Variants in MYOM2 observed in about 807,000 individuals in gnomAD.
MYOM2 encodes the protein myomesin-2.
A neutral mutation model predicts 187.6 loss-of-function variants in MYOM2; 254 were observed. That is an observed-to-expected ratio of 1.35 (90% CI 1.22 to 1.50). The LOEUF (loss-of-function observed/expected upper bound fraction) is 1.50, where lower values mean the gene tolerates loss of function less well. MYOM2 is among the 40% of genes most tolerant of loss of function. The pLI is 0.00. For synonymous variants in MYOM2, 981 were observed against 753.8 expected, an observed-to-expected ratio of 1.30 and a Z score of -4.94; for missense variants, 2,796 against 1,924.0, an observed-to-expected ratio of 1.45 and a Z score of -8.48.
chr8:2,076,209 G>C lies in MYOM2; in HGVS notation c.1189G>C (p.Asp397His), dbSNP rs1478792326. The change falls in exon 11 of 37, where the codon GAC becomes CAC. Residue 397 changes from aspartate (D) to histidine (H), a missense_variant. By Grantham distance (81) the Asp-to-His change is moderately conservative. Coordinates refer to ENST00000262113, the MANE Select transcript of MYOM2 (RefSeq NM_003970.4). The part of the protein sequence containing the change: ...MDLQCHDANR[D>H]YVIVTWKPPN... ...CTTGCAGTGCCACGACGCCAACCGG[G>C]ACTACGTCATCGTGACCTGGAAGCC... 2.5e-6 allele frequency: 4 copies of C among 1,613,506 alleles called. No individual in the cohort carries two copies. The highest frequency in any genetic ancestry group is 3.4e-6 in the Non-Finnish European group (4 of 1,179,932).
At chr8:2,057,845 G>C in intron 5 of MYOM2, 65 bp downstream of exon 5, 1 of 1,558,672 alleles carries the variant, frequency 6.4e-7, no homozygotes, top group South Asian at 1.2e-5. Context: ...AAAGACCCCA[G>C]TTAAGGAGAC....
At chr8:2,101,459 G>A (rs113921944) in intron 20 of MYOM2, among the ~76,000 whole-genome samples, 2,276 of 152,322 alleles carry the variant, frequency 0.015, 52 homozygotes, top group African/African-American at 0.052. Flanking sequence ...TGATCTCTGC[G>A]CAAGCCAGCA....
At chr8:2,131,238 T>C (rs889021089) in intron 32 of MYOM2, among the ~76,000 whole-genome samples, 3 of 152,210 alleles carry the variant, frequency 2.0e-5, no homozygotes, top group African/African-American at 7.2e-5. Context: ...TCAACACATG[T>C]TATTTTTATC....
At chr8:2,072,592 G>T (rs2129334591) in intron 9 of MYOM2, 83 bp downstream of exon 9, 1 of 1,475,592 alleles carries the variant, frequency 6.8e-7, no homozygotes, top group East Asian at 2.4e-5. Flanking sequence ...TGTCAATGTG[G>T]CTTTTGTCTC....
chr8:2,115,190 C>T (rs1303382699), intron 25 of MYOM2, among the ~76,000 whole-genome samples: 5 of 146,960 alleles, frequency 3.4e-5, no homozygotes, highest in South Asian at 2.1e-4. Flanking sequence ...AACAAACAAA[C>T]AAAACATAAA....
At chr8:2,069,033 C>G (rs1819122785) in intron 6 of MYOM2, among the ~76,000 whole-genome samples, 1 of 152,182 alleles carries the variant, frequency 6.6e-6, no homozygotes, top group Admixed American at 6.5e-5. Flanking sequence ...GTGCCAGTAC[C>G]TTTTTATTCT....
chr8:2,081,640 A>G (rs891182417), intron 13 of MYOM2: 1 of 157,486 alleles, frequency 6.3e-6, no homozygotes, highest in Non-Finnish European at 1.4e-5. Flanking sequence ...TGAGAAGAGC[A>G]CTGGGGAAGG....
chr8:2,054,734 C>T (rs13254418), intron 3 of MYOM2, among the ~76,000 whole-genome samples: 32,236 of 152,186 alleles, frequency 0.21, 3,999 homozygotes, highest in African/African-American at 0.32. Flanking sequence ...CACAGTGCTG[C>T]GTGGCGCAGA....
At chr8:2,085,588 CGTGGCCCCACTGTCGTGATCTCT>C (rs2116704162) in intron 14 of MYOM2, among the ~76,000 whole-genome samples, 198 bp downstream of exon 14, 1 of 9,952 alleles carries the variant, frequency 1.0e-4, no homozygotes, top group Non-Finnish European at 1.5e-4. Flanking sequence ...GTGATCTCTG[CGTGGCCCCACTGTCGTGATCTCT>C]GCGTGGCCCC....
intron 32 of MYOM2, among the ~76,000 whole-genome samples, chr8:2,129,925 G>C (rs541987703): frequency 1.3e-5 from 2 of 152,166 alleles, no homozygotes; most frequent in Non-Finnish European, 1.5e-5. Context: ...AGATATCACC[G>C]CAGATAAAAG....
rs1819794033 is a variant in MYOM2, at chr8:2,085,468, G to GTCGTGATCTCCGCGTGGCCCCTCA, written c.1644+78_1644+79insTCGTGATCTCCGCGTGGCCCCTCA. 28 of 1,416,506 alleles carry GTCGTGATCTCCGCGTGGCCCCTCA rather than the reference G, an allele frequency of 2.0e-5. 4 individuals are homozygous for GTCGTGATCTCCGCGTGGCCCCTCA. In the Admixed American group the frequency reaches 4.0e-4, roughly 20 times the overall value. The allele number at this position is 1,416,506 out of a possible 1,614,324, so 87.7% of individuals were successfully genotyped here. ...TGTCATGATCTCTGCGTGGCCCACC[G>GTCGTGATCTCCGCGTGGCCCCTCA]CTGTCGTGATCTCCGCGTGGCCCCT... On this transcript the variant is annotated intron_variant, in intron 14 of 36. Coordinates refer to ENST00000262113, the MANE Select transcript of MYOM2 (RefSeq NM_003970.4).
intron 31 of MYOM2, among the ~76,000 whole-genome samples, chr8:2,127,329 T>C (rs114979686): frequency 0.032 from 4,849 of 151,738 alleles, 76 homozygotes; most frequent in Middle Eastern, 0.045. Flanking sequence ...AACCCTCCTG[T>C]CTGCAGCCGG....
rs539613788 is a variant in MYOM2, at chr8:2,115,326, G to A, written c.3181-634G>A. Among the ~76,000 whole-genome samples the A allele has an allele frequency of 2.2e-3, 329 of 152,342 alleles. 2 individuals are homozygous for A. The highest frequency in any genetic ancestry group is 7.6e-3 in the African/African-American group (316 of 41,574). On this transcript the variant is annotated intron_variant, in intron 25 of 36. Transcript: ENST00000262113. ...ATTTGCTCAATTCATCTGTGTGTTA[G>A]AGAAACACTTGTTCTTTGACTTGTA... is the stretch of plus-strand genomic sequence containing the variant.
intron 13 of MYOM2, among the ~76,000 whole-genome samples, chr8:2,082,897 T>C (rs542434495): frequency 1.3e-5 from 2 of 152,058 alleles, no homozygotes; most frequent in African/African-American, 4.8e-5. Context: ...CCTGGGGAGG[T>C]TGTAGTTTCC....
rs182935111 is a variant in MYOM2 at position 2,123,647 on chromosome 8, A to C, written c.3655+5A>C. 3.4e-4 allele frequency: 544 copies of C among 1,612,698 alleles called. No homozygotes were observed. In the African/African-American group the frequency reaches 6.7e-3, roughly 20 times the overall value. On this transcript the variant is annotated splice_donor_5th_base_variant and intron_variant, in intron 30 of 36. Coordinates refer to ENST00000262113, the MANE Select transcript of MYOM2 (RefSeq NM_003970.4). ...TCCTTGAAATAGCTGGCAAAGGTAA[A>C]AGAAAACCTCCTTTGTTCTGTGAAC...
At position 2,096,420 on chromosome 8, in the gene MYOM2, C is replaced by A. The variant is rs766631569; in HGVS notation, c.2299C>A (p.Pro767Thr). The A allele has an allele frequency of 1.2e-6, 2 of 1,614,150 alleles. No homozygotes were observed. Among genetic ancestry groups the A allele is most frequent in the Non-Finnish European group, 1.7e-6 (2 of 1,180,010 alleles). ...WHEVNSSPSK[P>T]TILTVDGLTE... ...CGAGGTCAATTCCTCACCCAGCAAA[C>A]CGACAATCCTAACGGTCAGTTGGTT... Residue 767 changes from proline (P) to threonine (T), a missense_variant, in exon 18 of 37, where the codon CCG becomes ACG. Physicochemically the swap from Pro to Thr is conservative, Grantham distance 38 (BLOSUM62 -1). Transcript: ENST00000262113.
chr8:2,141,948 C>T (rs542662382), intron 34 of MYOM2, among the ~76,000 whole-genome samples: 7 of 152,214 alleles, frequency 4.6e-5, no homozygotes, highest in South Asian at 4.2e-4. Context: ...CGAAGCTGAC[C>T]GCAGTCCTTG....
chr8:2,133,356 T>G (rs967207710), intron 32 of MYOM2, among the ~76,000 whole-genome samples: 7 of 152,198 alleles, frequency 4.6e-5, no homozygotes, highest in African/African-American at 1.7e-4. Context: ...GACTTGAATT[T>G]TGGACCACAC....
chr8:2,073,898 C>G (rs1819324884), intron 10 of MYOM2, among the ~76,000 whole-genome samples: 2 of 152,188 alleles, frequency 1.3e-5, no homozygotes, highest in African/African-American at 4.8e-5. Context: ...CTGCCAGCGA[C>G]TCATTCCCTC....
Sources: allele counts gnomAD v4.1 joint callset (sites outside exome capture counted in the v4.1 genomes callset), GRCh38; gene constraint gnomAD v4.1.1; transcripts MANE v1.5; gene names NCBI Gene and HGNC (gene_info 2026-07-23, HGNC 2026-07-21).